RARB: variants seen among roughly 807,000 people sequenced by gnomAD.
RARB encodes retinoic acid receptor beta.
Under a neutral mutation model 51.9 loss-of-function variants are expected in RARB, and 17 were observed. The observed-to-expected ratio is 0.33, with a 90% confidence interval of 0.22 to 0.49. The LOEUF (loss-of-function observed/expected upper bound fraction) is 0.49, where lower values mean the gene tolerates loss of function less well. RARB is among the 20% of genes least tolerant of loss of function. The probability of loss-of-function intolerance (pLI) is 0.99; values close to 1 mark genes in which losing one functional copy is unlikely to be tolerated. For missense variants in RARB, 369 were observed against 550.8 expected (o/e 0.67, Z 3.30); for synonymous variants, 215 against 195.4 (o/e 1.10, Z -0.84).
chr3:24,837,603 G>T (rs1223189895), intron 1 of RARB, among the ~76,000 whole-genome samples: 2 of 152,216 alleles, frequency 1.3e-5, no homozygotes, highest in Non-Finnish European at 2.9e-5. Context: ...AAGAGGTTCA[G>T]ATTCTATGTG....
At chr3:25,058,459 A>G (rs558511759) in intron 2 of RARB, among the ~76,000 whole-genome samples, 1 of 151,550 alleles carries the variant, frequency 6.6e-6, no homozygotes, top group Non-Finnish European at 1.5e-5. Context: ...CTGGCCATTG[A>G]ACAAATGTGA....
intron 3 of RARB, among the ~76,000 whole-genome samples, chr3:25,113,161 G>T (rs1468471378): frequency 6.6e-6 from 1 of 151,798 alleles, no homozygotes; most frequent in Non-Finnish European, 1.5e-5. Context: ...CCTTGCCTTT[G>T]CCCCTTTGTA....
intron 2 of RARB, among the ~76,000 whole-genome samples, chr3:24,954,623 T>G (rs1428630850): frequency 1.3e-5 from 2 of 152,160 alleles, no homozygotes; most frequent in African/African-American, 2.4e-5. Context: ...ACTATTTAGG[T>G]TCACCCCATT....
intron 2 of RARB, among the ~76,000 whole-genome samples, chr3:25,477,752 T>C (rs1049140726): frequency 2.6e-5 from 4 of 152,206 alleles, no homozygotes; most frequent in African/African-American, 9.6e-5. Flanking sequence ...CCAGTTACCA[T>C]TGCTGTATAA....
intron 5 of RARB, among the ~76,000 whole-genome samples, chr3:25,300,582 TCTGTAACAGGATCATAA>T (rs980015354): frequency 1.5e-4 from 23 of 152,170 alleles, no homozygotes; most frequent in Admixed American, 6.5e-4. Context: ...ACCAAAGCTT[TCTGTAACAGGATCATAA>T]AGCCTTTAAA....
chr3:25,392,665 G>A (rs887135801), intron 5 of RARB, among the ~76,000 whole-genome samples: 3 of 151,782 alleles, frequency 2.0e-5, no homozygotes, highest in South Asian at 4.2e-4. Context: ...AAAAGGGGTC[G>A]AGGTATTTAT....
intron 3 of RARB, among the ~76,000 whole-genome samples, chr3:25,120,528 TCTCTC>T (rs1447177792): frequency 2.6e-4 from 2 of 7,754 alleles, no homozygotes; most frequent in African/African-American, 4.7e-4. Context: ...TATATAAAAA[TCTCTC>T]TCTCTCTCTC....
intron 5 of RARB, among the ~76,000 whole-genome samples, chr3:25,588,707 C>A (rs1431604132): frequency 1.3e-5 from 2 of 152,180 alleles, no homozygotes; most frequent in African/African-American, 4.8e-5. Flanking sequence ...TGGAAGCTCT[C>A]CGCCTCCACA....
At chr3:25,366,126 T>C (rs542322453) in intron 5 of RARB, among the ~76,000 whole-genome samples, 32 of 152,354 alleles carry the variant, frequency 2.1e-4, no homozygotes, top group Admixed American at 8.5e-4. Flanking sequence ...TTATGCATTA[T>C]GGACTGTGCT....
At chr3:24,976,644 T>C (rs1696519834) in intron 2 of RARB, among the ~76,000 whole-genome samples, 2 of 152,348 alleles carry the variant, frequency 1.3e-5, no homozygotes, top group Middle Eastern at 3.4e-3. Context: ...AAGTTCTTTG[T>C]AGATTCTGCA....
intron 5 of RARB, among the ~76,000 whole-genome samples, chr3:25,270,457 A>G (rs1222486115): frequency 6.6e-6 from 1 of 152,204 alleles, no homozygotes; most frequent in African/African-American, 2.4e-5. Context: ...ACACCTAAAA[A>G]TTGTTAAAAT....
intron 3 of RARB, among the ~76,000 whole-genome samples, chr3:25,569,509 G>A (rs1273837920): frequency 6.6e-6 from 1 of 152,172 alleles, no homozygotes; most frequent in Non-Finnish European, 1.5e-5. Flanking sequence ...GAGCCTCCTG[G>A]GTGAGCCCAA....
chr3:25,348,733 A>G (rs903311122), intron 5 of RARB, among the ~76,000 whole-genome samples: 2 of 152,214 alleles, frequency 1.3e-5, no homozygotes, highest in Non-Finnish European at 2.9e-5. Context: ...AAAATTAAAA[A>G]CAGAAGTTCT....
chr3:25,356,715 C>G (rs1705749363), intron 5 of RARB, among the ~76,000 whole-genome samples: 1 of 151,966 alleles, frequency 6.6e-6, no homozygotes, highest in Non-Finnish European at 1.5e-5. Flanking sequence ...CTCCCTGGGC[C>G]CATATGTTCT....
chr3:25,152,713 C>G (rs1012777639), intron 4 of RARB, among the ~76,000 whole-genome samples: 1 of 152,186 alleles, frequency 6.6e-6, no homozygotes, highest in African/African-American at 2.4e-5. Flanking sequence ...ACATATTAGA[C>G]TCTACATAGT....
intron 3 of RARB, among the ~76,000 whole-genome samples, chr3:25,569,008 G>A (rs1053806807): frequency 3.3e-5 from 5 of 152,248 alleles, no homozygotes; most frequent in African/African-American, 9.6e-5. Flanking sequence ...GCCTGGCACC[G>A]TGCTTGGCTC....
At chr3:25,403,834 A>G (rs1002312456) in intron 5 of RARB, among the ~76,000 whole-genome samples, 22 of 131,700 alleles carry the variant, frequency 1.7e-4, no homozygotes, top group African/African-American at 6.7e-4. Context: ...CATCATCTTC[A>G]TTAGAAAAAA....
intron 5 of RARB, among the ~76,000 whole-genome samples, chr3:25,372,608 G>C (rs997908899): frequency 1.3e-5 from 2 of 152,176 alleles, no homozygotes; most frequent in Admixed American, 1.3e-4. Flanking sequence ...GATAGCTTTA[G>C]CCCAGGAGTC....
chr3:25,015,591 T>A (rs530060417), intron 2 of RARB, among the ~76,000 whole-genome samples: 16 of 152,158 alleles, frequency 1.1e-4, no homozygotes, highest in Non-Finnish European at 2.2e-4. Flanking sequence ...TCTTCTGTAA[T>A]GTGTAGACAT....
Sources: gnomAD v4.1 joint callset for allele counts (sites outside exome capture counted in the v4.1 genomes callset) on GRCh38, gnomAD v4.1.1 for gene constraint, MANE v1.5 for transcripts, NCBI Gene and HGNC (gene_info 2026-07-23, HGNC 2026-07-21) for gene names.